The following RFX3 variants were observed in gnomAD, a reference collection of about 807,000 sequenced individuals.
RFX3 encodes transcription factor RFX3.
In RFX3, 14 loss-of-function variants were observed where a neutral mutation model predicts 98.6. That is an observed-to-expected ratio of 0.14 (90% CI 0.09 to 0.22). The LOEUF (loss-of-function observed/expected upper bound fraction) is 0.22, where lower values mean the gene tolerates loss of function less well. Among genes scored for constraint, RFX3 ranks in the 10% least tolerant of loss-of-function variants. The probability of loss-of-function intolerance (pLI) is 1.00; values close to 1 mark genes in which losing one functional copy is unlikely to be tolerated. For synonymous variants in RFX3, 383 were observed against 328.4 expected (o/e 1.17, Z -1.80); for missense variants, 639 against 926.9 (o/e 0.69, Z 4.03).
chr9:3,390,800 T>C (rs1464131653), intron 2 of RFX3, among the ~76,000 whole-genome samples: 2 of 152,164 alleles, frequency 1.3e-5, no homozygotes, highest in African/African-American at 2.4e-5. Context: ...CCCAGCCACA[T>C]GAACTGTAAG....
intron 1 of RFX3, among the ~76,000 whole-genome samples, chr9:3,502,283 C>G (rs1444535861): frequency 2.0e-5 from 3 of 151,692 alleles, no homozygotes; most frequent in Admixed American, 6.6e-5. Flanking sequence ...AAATCACTTT[C>G]ACTTTTTAAC....
chr9:3,387,939 G>A (rs1004835808), intron 2 of RFX3, among the ~76,000 whole-genome samples: 3 of 151,910 alleles, frequency 2.0e-5, no homozygotes, highest in Non-Finnish European at 1.5e-5. Context: ...CACTATCTTG[G>A]GCATAGCTCC....
chr9:3,524,184 AT>A (rs1269788136), intron 1 of RFX3, among the ~76,000 whole-genome samples: 1 of 152,246 alleles, frequency 6.6e-6, no homozygotes, highest in Non-Finnish European at 1.5e-5. Flanking sequence ...CACATTCATT[AT>A]CAAAACTCTA....
chr9:3,483,912 C>T (rs545304582), intron 1 of RFX3, among the ~76,000 whole-genome samples: 4 of 152,156 alleles, frequency 2.6e-5, no homozygotes, highest in East Asian at 1.9e-4. Flanking sequence ...AATGGAGTAA[C>T]GAAACAAGTT....
intron 2 of RFX3, among the ~76,000 whole-genome samples, chr9:3,372,539 T>G (rs1483613895): frequency 1.3e-5 from 2 of 151,356 alleles, no homozygotes; most frequent in Non-Finnish European, 2.9e-5. Flanking sequence ...TTTTTCTTTC[T>G]TTCTTTCTTT....
intron 1 of RFX3, among the ~76,000 whole-genome samples, chr9:3,493,424 C>A (rs1457188146): frequency 6.6e-6 from 1 of 151,962 alleles, no homozygotes; most frequent in East Asian, 1.9e-4. Flanking sequence ...GTGGCTCACA[C>A]CTGTAATCCC....
At chr9:3,230,545 A>G (rs1323282959) in intron 15 of RFX3, among the ~76,000 whole-genome samples, 2 of 152,182 alleles carry the variant, frequency 1.3e-5, no homozygotes, top group South Asian at 2.1e-4. Flanking sequence ...CTTGAATTAA[A>G]GAATATAATC....
At chr9:3,486,704 C>T (rs7861625) in intron 1 of RFX3, among the ~76,000 whole-genome samples, 2 of 152,060 alleles carry the variant, frequency 1.3e-5, no homozygotes, top group Non-Finnish European at 2.9e-5. Context: ...TCTAAAAGTA[C>T]AAAATTGCTA....
intron 1 of RFX3, among the ~76,000 whole-genome samples, chr9:3,517,695 C>A (rs1397392305): frequency 1.3e-5 from 2 of 152,196 alleles, no homozygotes; most frequent in Admixed American, 6.5e-5. Flanking sequence ...AGATTTAACC[C>A]TAAGGTACTT....
At chr9:3,237,203 T>C (rs1047965046) in intron 15 of RFX3, among the ~76,000 whole-genome samples, 2 of 152,236 alleles carry the variant, frequency 1.3e-5, no homozygotes, top group East Asian at 3.8e-4. Flanking sequence ...TTTTCTTTTC[T>C]AATTGACTTG....
At chr9:3,392,459 G>T (rs892554689) in intron 2 of RFX3, among the ~76,000 whole-genome samples, 1 of 149,634 alleles carries the variant, frequency 6.7e-6, no homozygotes, top group African/African-American at 2.5e-5. Context: ...AAAAGTGATA[G>T]AAATTAAAAA....
intron 10 of RFX3, chr9:3,270,740 C>A (rs182026147): frequency 6.0e-6 from 4 of 664,968 alleles, no homozygotes; most frequent in Non-Finnish European, 7.5e-6. Flanking sequence ...TATTTTCTGA[C>A]GGTATGAAAG....
rs1169686363 is a variant in RFX3, at chr9:3,401,299, C to T, written c.-8-5703G>A. Among the ~76,000 whole-genome samples the T allele has an allele frequency of 3.3e-5, 5 of 152,174 alleles. No individual in the cohort carries two copies. In the East Asian group the frequency reaches 9.6e-4, roughly 29 times the overall value. ...TTTTGCTAAACAGATCATTTAAGCC[C>T]ACTGACACATTCATAGTATTCTGGT... On this transcript the variant is annotated intron_variant, in intron 1 of 16. Coordinates refer to ENST00000617270, the MANE Select transcript of RFX3 (RefSeq NM_001282116.2).
chr9:3,515,667 C>G (rs1034653718), intron 1 of RFX3, among the ~76,000 whole-genome samples: 1 of 152,280 alleles, frequency 6.6e-6, no homozygotes, highest in African/African-American at 2.4e-5. Context: ...GGAAACTTAA[C>G]TGACAAGCAA....
chr9:3,316,184 A>G (rs1449714655), intron 4 of RFX3, among the ~76,000 whole-genome samples: 5 of 152,198 alleles, frequency 3.3e-5, no homozygotes. Flanking sequence ...ACCACTATCA[A>G]GTTGGCTTCA....
intron 2 of RFX3, among the ~76,000 whole-genome samples, chr9:3,387,996 C>A (rs531118000): frequency 6.6e-6 from 1 of 152,062 alleles, no homozygotes; most frequent in East Asian, 1.9e-4. Context: ...AAATTTGATC[C>A]AACAGAATAC....
chr9:3,297,359 T>C lies in RFX3; in HGVS notation c.550-4101A>G, dbSNP rs191963020. Among the ~76,000 whole-genome samples the C allele has an allele frequency of 6.6e-5, 10 of 152,074 alleles. No individual in the cohort carries two copies. In the East Asian group the frequency reaches 1.9e-3, roughly 29 times the overall value. On this transcript the variant is annotated intron_variant, in intron 5 of 16. Transcript: ENST00000617270. ...ACCTTTATCTTTAAAACTTGATTAC[T>C]CTACTTATGAACTAATATACACTCA...
At position 3,256,999 on chromosome 9, in the gene RFX3, A is replaced by G. The variant is rs1563812111; in HGVS notation, c.1806T>C (p.Ser602=). ...KAARQFLLKW[S]FYSSMVIRDL... Reference sequence around the variant, plus strand: ...AAAAACCTAGATGATACCTGTAGAAAGACCATTTTAGCAGAAACTGCCTGG... The same window carrying G: ...AAAAACCTAGATGATACCTGTAGAAGGACCATTTTAGCAGAAACTGCCTGG... Residue 602 remains serine, a synonymous_variant, in exon 14 of 17, where the codon TCT becomes TCC. Coordinates refer to ENST00000617270, the MANE Select transcript of RFX3 (RefSeq NM_001282116.2). 7 of 1,614,140 alleles carry G rather than the reference A, an allele frequency of 4.3e-6. No homozygotes were observed. Among genetic ancestry groups the G allele is most frequent in the Non-Finnish European group, 5.9e-6 (7 of 1,179,980 alleles).
chr9:3,505,375 T>C (rs370450936), intron 1 of RFX3, among the ~76,000 whole-genome samples: 569 of 1,616 alleles, frequency 0.35, 21 homozygotes, highest in Middle Eastern at 0.5. Context: ...ATATAAAATA[T>C]TTTATATTTA....
Sources: gnomAD v4.1 joint callset for allele counts (sites outside exome capture counted in the v4.1 genomes callset) on GRCh38, gnomAD v4.1.1 for gene constraint, MANE v1.5 for transcripts, NCBI Gene and HGNC (gene_info 2026-07-23, HGNC 2026-07-21) for gene names.